Variants in TTN observed in about 807,000 individuals in gnomAD.
TTN encodes titin.
Under a neutral mutation model 3,223.0 loss-of-function variants are expected in TTN, and 1,525 were observed. The ratio of observed to expected loss-of-function variants is 0.47; its 90% CI spans 0.45 to 0.49. The LOEUF is 0.49. Ranked by LOEUF, TTN falls within the 20% of genes least tolerant of loss-of-function variation. The pLI, the probability that TTN is intolerant of heterozygous loss-of-function variation, is 0.00. For synonymous variants in TTN, 14,094 were observed against 15,161.0 expected, an observed-to-expected ratio of 0.93 and a Z score of 5.17; for missense variants, 40,786 against 43,424.0, an observed-to-expected ratio of 0.94 and a Z score of 5.40.
Position 178,552,897 on chromosome 2 carries a change from A to G in TTN, c.90003T>C (p.Thr30001=), listed in dbSNP as rs765287807. 7 of 1,613,704 alleles carry G rather than the reference A, an allele frequency of 4.3e-6. No homozygotes were observed. The highest frequency in any genetic ancestry group is 1.6e-4 in the Middle Eastern group (1 of 6,084). The change falls in exon 335 of 363, where the codon ACT becomes ACC. Residue 30001 remains threonine, a synonymous_variant. Coordinates refer to ENST00000589042, the MANE Select transcript of TTN (RefSeq NM_001267550.2). The stretch of plus-strand genomic sequence containing the variant: ...CTGCAAGAACTCTGAAGAAGAATGG[A>G]GTCTTCTCCGACAAATCTATTAGCT... The part of the protein sequence containing the change: ...SFKLIDLSEK[T]PFFFRVLAEN...
Position 178,557,998 on chromosome 2 carries a change from GC to G in TTN, c.87355del (p.Ala29119LeufsTer17), listed in dbSNP as rs794729356. 1.9e-6 allele frequency: 3 copies of G among 1,613,734 alleles called. No homozygotes were observed. Among genetic ancestry groups the G allele is most frequent in the Non-Finnish European group, 2.5e-6 (3 of 1,179,856 alleles). ...TADAGRYEITAANSSGTTKAF... is the reference protein window; with the variant it reads ...TADAGRYEITXANSSGTTKAF... ...TTTGGTTGTACCACTGGAGTTGGCA[GC>G]AGTGATTTCATATCTCCCAGCGTCA... On this transcript the variant is annotated frameshift_variant, in exon 328 of 363. Coordinates refer to ENST00000589042, the MANE Select transcript of TTN (RefSeq NM_001267550.2). LOFTEE classifies it high-confidence loss of function.
intron 237 of TTN, 26 bp from the exon 238 acceptor site, chr2:178,630,969 G>A: frequency 6.2e-7 from 1 of 1,611,846 alleles, no homozygotes; most frequent in Non-Finnish European, 8.5e-7. Context: ...GCCAGCATGG[G>A]TCATTAGCCT....
At chr2:178,704,818 C>T (rs890405377) in intron 104 of TTN, 41 bp from the exon 105 acceptor site, 3 of 1,608,104 alleles carry the variant, frequency 1.9e-6, no homozygotes, top group African/African-American at 1.3e-5. Flanking sequence ...TTACTCCTTC[C>T]CTTATAATAA....
In TTN at chr2:178,756,420, C is replaced by A. The variant is rs548665458; in HGVS notation, c.11056G>T (p.Asp3686Tyr). The A allele has an allele frequency of 6.2e-7, 1 of 1,613,780 alleles. No individual in the cohort carries two copies. Among genetic ancestry groups the A allele is most frequent in the South Asian group, 1.1e-5 (1 of 91,074 alleles). ...GTCCAGGTTACATCAATGAAAGAAT[C>A]ATCTTTTAAAACACAGAGGAATTGA... ...TAQFLCVLKD[D>Y]SFIDVTWTHE... is the part of the protein sequence containing the mutation. The change falls in exon 46 of 363, where the codon GAT becomes TAT. Residue 3686 changes from aspartate to tyrosine, a missense_variant. Physicochemically the swap from Asp to Tyr is radical, Grantham distance 160. Coordinates refer to ENST00000589042, the MANE Select transcript of TTN (RefSeq NM_001267550.2).
At position 178,749,642 on chromosome 2, in the gene TTN, T is replaced by G. The variant is rs775867731; in HGVS notation, c.11311+3482A>C. On this transcript the variant is annotated intron_variant, in intron 47 of 362. Coordinates refer to ENST00000589042, the MANE Select transcript of TTN (RefSeq NM_001267550.2). Reference sequence around the variant, plus strand: ...ATTTTCGAATTGACTATTTTCTCTATAAGTGACAGGCTCCACTGTTAGATC... The same window carrying G: ...ATTTTCGAATTGACTATTTTCTCTAGAAGTGACAGGCTCCACTGTTAGATC... 3 of 1,612,808 alleles carry G rather than the reference T, an allele frequency of 1.9e-6. No homozygotes were observed. The South Asian group carries it at 3.3e-5, about 18-fold the overall frequency.
At position 178,709,852 on chromosome 2, in the gene TTN, C is replaced by A. The variant is rs1296919666; in HGVS notation, c.28467G>T (p.Arg9489=). ...SCTAQLNIKE[R]LIPPSFTKRL... ...TTTTAGTGAAACTTGGTGGGATGAGCCGCTCTATAAGAAATTGCAAGGATA... is the reference window on the plus strand; with the variant it reads ...TTTTAGTGAAACTTGGTGGGATGAGACGCTCTATAAGAAATTGCAAGGATA... The change falls in exon 99 of 363, where the codon CGG becomes CGT. Residue 9489 remains arginine (R), a synonymous_variant. Transcript: ENST00000589042. The A allele has an allele frequency of 6.2e-7, 1 of 1,609,496 alleles. No homozygotes were observed. The highest frequency in any genetic ancestry group is 8.5e-7 in the Non-Finnish European group (1 of 1,177,476).
At position 178,561,895 on chromosome 2, in the gene TTN, T is replaced by G. The variant is rs1480479729; in HGVS notation, c.84237A>C (p.Pro28079=). ...TAATTTGGCAGCCACCATCATATTC[T>G]GGAGGATTCCAAGAAATGGTTATGC... The part of the protein sequence containing the change: ...CDSITISWNP[P]EYDGGCQISN... The change falls in exon 326 of 363, where the codon CCA becomes CCC. Residue 28079 remains proline, a synonymous_variant. Coordinates refer to ENST00000589042, the MANE Select transcript of TTN (RefSeq NM_001267550.2). 1 of 1,613,496 alleles carries G rather than the reference T, an allele frequency of 6.2e-7. No individual in the cohort carries two copies. Among genetic ancestry groups the G allele is most frequent in the Non-Finnish European group, 8.5e-7 (1 of 1,179,720 alleles).
At chr2:178,627,204 ACTTGGCAGTCCTTT>A (rs2059176771) in intron 240 of TTN, among the ~76,000 whole-genome samples, 2 of 151,982 alleles carry the variant, frequency 1.3e-5, no homozygotes, top group Non-Finnish European at 2.9e-5. Context: ...GCCATTTGGA[ACTTGGCAGTCCTTT>A]CTTAAACTGA....
In TTN at chr2:178,550,146, T is replaced by A. The variant is rs536924082; in HGVS notation, c.91692A>T (p.Gly30564=). 2 of 1,613,788 alleles carry A rather than the reference T, an allele frequency of 1.2e-6. No individual in the cohort carries two copies. The highest frequency in any genetic ancestry group is 4.5e-5 in the East Asian group (2 of 44,858). The change falls in exon 337 of 363, where the codon GGA becomes GGT. Residue 30564 remains glycine (G), a synonymous_variant. Transcript: ENST00000589042. ...PVPRVTWFKD[G]VEIEKRMNME... ...TATTCATCCTCTTTTCGATTTCCAC[T>A]CCATCTTTGAACCAAGTTACTCGAG...
Position 178,669,400 on chromosome 2 carries a change from C to T in TTN, c.35518G>A (p.Val11840Ile). The part of the protein sequence containing the change: ...KSVQEEKSPI[V>I]ISEDTEMYIY... ...TACATCTCTGTGTCTTCAGAAATAACAATAGGTGATTTTTCTTCTTGAACA... is the reference window on the plus strand; with the variant it reads ...TACATCTCTGTGTCTTCAGAAATAATAATAGGTGATTTTTCTTCTTGAACA... The change falls in exon 159 of 363, where the codon GTT (valine) becomes ATT (isoleucine). Residue 11840 changes from valine to isoleucine, a missense_variant. Transcript: ENST00000589042. 2.0e-6 allele frequency: 3 copies of T among 1,520,118 alleles called. No individual in the cohort carries two copies. The highest frequency in any genetic ancestry group is 8.7e-7 in the Non-Finnish European group (1 of 1,146,172). The allele number at this position is 1,520,118 out of a possible 1,614,324, so 94.2% of individuals were successfully genotyped here. A position where few individuals can be genotyped will look rare whatever the true frequency, so the allele number is the denominator to read the frequency against.
At position 178,608,119 on chromosome 2, in the gene TTN, T is replaced by A. The variant is rs779157617; in HGVS notation, c.52706-38A>T. On this transcript the variant is annotated intron_variant, in intron 275 of 362. Coordinates refer to ENST00000589042, the MANE Select transcript of TTN (RefSeq NM_001267550.2). ...AAGATAGACAAATCAAACTCCCTGATGGTTTTAAAATGTACAATAGCTTGT... is the reference window on the plus strand; with the variant it reads ...AAGATAGACAAATCAAACTCCCTGAAGGTTTTAAAATGTACAATAGCTTGT... 6 of 1,606,348 alleles carry A rather than the reference T, an allele frequency of 3.7e-6. No individual in the cohort carries two copies. In the East Asian group the frequency reaches 1.4e-4, roughly 36 times the overall value.
chr2:178,568,176 A>G lies in TTN; in HGVS notation c.77956T>C (p.Tyr25986His), dbSNP rs1706668829. The G allele has an allele frequency of 1.2e-6, 2 of 1,613,480 alleles. No individual in the cohort carries two copies. The highest frequency in any genetic ancestry group is 1.7e-6 in the Non-Finnish European group (2 of 1,179,564). The change falls in exon 326 of 363, where the codon TAT (tyrosine) becomes CAT (histidine). Residue 25986 changes from tyrosine (Y) to histidine (H), a missense_variant. By Grantham distance (83) the Tyr-to-His change is moderately conservative. Transcript: ENST00000589042. ...ALESDPIVAQ[Y>H]PYKEPGPPGT... is the part of the protein sequence containing the mutation. ...GGAGGGCCTGGTTCTTTGTAGGGAT[A>G]TTGAGCTACAATTGGATCAGACTCT...
chr2:178,581,773 T>C lies in TTN; in HGVS notation c.66495A>G (p.Val22165=), dbSNP rs1207988919. The stretch of plus-strand genomic sequence containing the variant: ...TCACAGAGCTGCGAGTTGTATCATA[T>C]ACTTTAGGGAAAGCCGGTGGGCCAG... ...YPPGPPAFPK[V]YDTTRSSVSL... Residue 22165 remains valine, a synonymous_variant, in exon 316 of 363, where the codon GTA becomes GTG. Transcript: ENST00000589042. The C allele has an allele frequency of 6.9e-6, 11 of 1,601,742 alleles. No individual in the cohort carries two copies. Among genetic ancestry groups the C allele is most frequent in the South Asian group, 1.1e-5 (1 of 89,570 alleles).
rs1290965096 is a variant in TTN, at chr2:178,682,893, T to C, written c.32898A>G (p.Ile10966Met). ...TATAAGCCCTTTCTTTCTCTTCCAT[T>C]ATAGTTACTTCTGAAACAATATTAA... Reference protein sequence around the residue: ...REPQPIKEVTIMEEKERAYTL... With the variant: ...REPQPIKEVTMMEEKERAYTL... Residue 10966 changes from isoleucine to methionine, a missense_variant, in exon 135 of 363, where the codon ATA (isoleucine) becomes ATG (methionine). Coordinates refer to ENST00000589042, the MANE Select transcript of TTN (RefSeq NM_001267550.2). The C allele has an allele frequency of 1.9e-6, 3 of 1,602,046 alleles. No homozygotes were observed. Among genetic ancestry groups the C allele is most frequent in the Non-Finnish European group, 1.7e-6 (2 of 1,175,070 alleles).
chr2:178,739,424 C>T lies in TTN; in HGVS notation c.13809G>A (p.Glu4603=), dbSNP rs770564701. The T allele has an allele frequency of 6.8e-6, 11 of 1,613,704 alleles. No homozygotes were observed. In the South Asian group the frequency reaches 1.1e-4, roughly 16 times the overall value. ...IQEAEGGLIK[E]DGPMIHTPLV... is the part of the protein sequence containing the mutation. ...AAGGTGTATGTATCATGGGGCCATC[C>T]TCTTTGATTAAGCCACCCTCAGCTT... The change falls in exon 48 of 363, where the codon GAG becomes GAA. Residue 4603 remains glutamate, a synonymous_variant. Coordinates refer to ENST00000589042, the MANE Select transcript of TTN (RefSeq NM_001267550.2).
At chr2:178,688,565 G>A (rs892621163) in intron 126 of TTN, 112 bp downstream of exon 126, 30 of 777,356 alleles carry the variant, frequency 3.9e-5, no homozygotes, top group Non-Finnish European at 6.4e-5. Context: ...CCAACATAAG[G>A]AGAAATAACT....
intron 350 of TTN, among the ~76,000 whole-genome samples, chr2:178,540,858 A>G (rs1694110891): frequency 1.3e-5 from 2 of 152,186 alleles, no homozygotes; most frequent in Non-Finnish European, 2.9e-5. Flanking sequence ...TCAGCTAAAA[A>G]TACTTAACAT....
chr2:178,722,629 G>A lies in TTN; in HGVS notation c.22240+30C>T, dbSNP rs562796351. 6.3e-6 allele frequency: 10 copies of A among 1,593,232 alleles called. No homozygotes were observed. In the South Asian group the frequency reaches 1.0e-4, roughly 16 times the overall value. On this transcript the variant is annotated intron_variant, in intron 76 of 362. Transcript: ENST00000589042. ...AAAGATACAAGAGTTAAGGAAAAAA[G>A]AATTTTTTTAATTTGTAAAATATCA... is the stretch of plus-strand genomic sequence containing the variant.
In TTN at chr2:178,731,460, T is replaced by C; in HGVS notation, c.17306A>G (p.Glu5769Gly). 6.2e-7 allele frequency: 1 copy of C among 1,613,802 alleles called. No individual in the cohort carries two copies. The highest frequency in any genetic ancestry group is 8.5e-7 in the Non-Finnish European group (1 of 1,179,796). ...TCTTATATTATCGTCTTCAGTGATT[T>C]CATCGCTGTCTTTTAGCCAAGTCAC... ...ITVTWLKDSD[E>G]ITEDDNIRMT... Residue 5769 changes from glutamate to glycine, a missense_variant, in exon 59 of 363, where the codon GAA becomes GGA. By Grantham distance (98) the Glu-to-Gly change is moderately conservative. Coordinates refer to ENST00000589042, the MANE Select transcript of TTN (RefSeq NM_001267550.2).
Sources: allele counts gnomAD v4.1 joint callset (sites outside exome capture counted in the v4.1 genomes callset), GRCh38; gene constraint gnomAD v4.1.1; transcripts MANE v1.5; gene names NCBI Gene and HGNC (gene_info 2026-07-23, HGNC 2026-07-21).